Variants in GABRA4 observed in about 807,000 individuals in gnomAD.
GABRA4 encodes the protein gamma-aminobutyric acid receptor subunit alpha-4.
Under a neutral mutation model 49.7 loss-of-function variants are expected in GABRA4, and 12 were observed. The ratio of observed to expected loss-of-function variants is 0.24; its 90% CI spans 0.15 to 0.39. The LOEUF is 0.39. Among genes scored for constraint, GABRA4 ranks in the 10% least tolerant of loss-of-function variants. The pLI is 1.00. For synonymous variants in GABRA4, 288 were observed against 240.2 expected, an observed-to-expected ratio of 1.20 and a Z score of -1.84; for missense variants, 506 against 686.0, an observed-to-expected ratio of 0.74 and a Z score of 2.93.
intron 8 of GABRA4, among the ~76,000 whole-genome samples, chr4:46,955,418 G>A (rs1325399392): frequency 1.3e-5 from 2 of 151,968 alleles, no homozygotes; most frequent in Non-Finnish European, 2.9e-5. Flanking sequence ...CAAAATATTG[G>A]TTCAATAAAC....
chr4:46,957,159 A>G (rs1722394600), intron 8 of GABRA4, among the ~76,000 whole-genome samples: 1 of 151,958 alleles, frequency 6.6e-6, no homozygotes, highest in Non-Finnish European at 1.5e-5. Context: ...CCAGTAGATT[A>G]TATTATTACC....
At chr4:46,989,040 C>T (rs1267444627) in intron 2 of GABRA4, among the ~76,000 whole-genome samples, 1 of 152,124 alleles carries the variant, frequency 6.6e-6, no homozygotes, top group Non-Finnish European at 1.5e-5. Context: ...AGTGAATAAC[C>T]TTACAAAATT....
At chr4:46,960,935 A>G (rs1189701912) in intron 8 of GABRA4, among the ~76,000 whole-genome samples, 1 of 151,838 alleles carries the variant, frequency 6.6e-6, no homozygotes, top group Non-Finnish European at 1.5e-5. Context: ...AGTTTTTGAA[A>G]GTTTCCATGA....
rs1438900324 is a variant in GABRA4, at chr4:46,921,315, A to C, written c.*6910T>G. The C allele has an allele frequency of 2.0e-5, 3 of 151,984 alleles. No individual in the cohort carries two copies. Among genetic ancestry groups the C allele is most frequent in the Non-Finnish European group, 2.9e-5 (2 of 67,900 alleles). 9.4% of individuals were successfully genotyped at this position (151,984 alleles called of 1,614,324 possible). A position where few individuals can be genotyped will look rare whatever the true frequency, so the allele number is the denominator to read the frequency against. On this transcript the variant is annotated 3_prime_UTR_variant, in exon 9 of 9. Transcript: ENST00000264318. The stretch of plus-strand genomic sequence containing the variant: ...AATTGAAGGACAGGAAAATATAAAC[A>C]GTGTAATAAATTAACATTGGGATAG...
chr4:46,985,841 T>C (rs773265848), intron 2 of GABRA4, among the ~76,000 whole-genome samples: 1 of 152,000 alleles, frequency 6.6e-6, no homozygotes, highest in Non-Finnish European at 1.5e-5. Context: ...TTCAAACTTC[T>C]CTTGTTTTCT....
At chr4:46,947,711 C>T (rs1722029186) in intron 8 of GABRA4, among the ~76,000 whole-genome samples, 2 of 151,890 alleles carry the variant, frequency 1.3e-5, no homozygotes, top group South Asian at 4.2e-4. Flanking sequence ...TGACATCATC[C>T]CACTAGCAAG....
intron 2 of GABRA4, among the ~76,000 whole-genome samples, chr4:46,991,230 A>G (rs1723733358): frequency 6.6e-6 from 1 of 152,140 alleles, no homozygotes; most frequent in African/African-American, 2.4e-5. Context: ...AATACCCTCA[A>G]TGACTTCCCA....
chr4:46,934,170 A>C (rs1233687362), intron 8 of GABRA4, among the ~76,000 whole-genome samples: 1 of 152,182 alleles, frequency 6.6e-6, no homozygotes, highest in Non-Finnish European at 1.5e-5. Flanking sequence ...AAAACTAACA[A>C]GACTGATAAC....
Position 46,971,159 on chromosome 4 carries a change from C to G in GABRA4, c.798G>C (p.Pro266=), listed in dbSNP as rs541280213. 6.2e-6 allele frequency: 10 copies of G among 1,608,926 alleles called. No individual in the cohort carries two copies. Among genetic ancestry groups the G allele is most frequent in the Non-Finnish European group, 8.5e-6 (10 of 1,176,414 alleles). Residue 266 remains proline, a synonymous_variant, in exon 7 of 9, where the codon CCG becomes CCC. Transcript: ENST00000264318. ...GAGAAAGAATCACTGTCATAATGCA[C>G]GGAATATAGGTCTGAATCATAAAAT... The part of the protein sequence containing the change: ...MGYFMIQTYI[P]CIMTVILSQV...
At chr4:46,989,937 T>C (rs556365088) in intron 2 of GABRA4, among the ~76,000 whole-genome samples, 2 of 152,352 alleles carry the variant, frequency 1.3e-5, no homozygotes, top group South Asian at 4.1e-4. Context: ...GTGCTAATGA[T>C]GAAGTTTCTC....
Position 46,993,564 on chromosome 4 carries a change from G to C in GABRA4, c.-140C>G. 2.4e-6 allele frequency: 2 copies of C among 826,080 alleles called. No homozygotes were observed. 51.2% of individuals were successfully genotyped at this position (826,080 alleles called of 1,614,324 possible). On this transcript the variant is annotated 5_prime_UTR_variant, in exon 1 of 9. Coordinates refer to ENST00000264318, the MANE Select transcript of GABRA4 (RefSeq NM_000809.4). ...ACACTCGCCCGCGCTCAGCCAGCCC[G>C]AGCCGCGGTGGGCGTGTGTGTGCAC...
At chr4:46,964,156 G>A (rs913770807) in intron 8 of GABRA4, among the ~76,000 whole-genome samples, 4 of 151,802 alleles carry the variant, frequency 2.6e-5, no homozygotes, top group Non-Finnish European at 5.9e-5. Context: ...ACATAATCCA[G>A]GCACAGAAAG....
chr4:46,961,422 G>C (rs888196056), intron 8 of GABRA4, among the ~76,000 whole-genome samples: 2 of 151,724 alleles, frequency 1.3e-5, no homozygotes, highest in African/African-American at 4.8e-5. Flanking sequence ...CACATCACCT[G>C]TTTTGTTATT....
intron 2 of GABRA4, 65 bp downstream of exon 2, chr4:46,992,763 A>G (rs1421676415): frequency 4.4e-6 from 5 of 1,135,694 alleles, no homozygotes; most frequent in Non-Finnish European, 6.7e-6. Context: ...TCCCACAGAC[A>G]GACAGACAGG....
chr4:46,943,082 A>T (rs894893357), intron 8 of GABRA4, among the ~76,000 whole-genome samples: 1 of 152,094 alleles, frequency 6.6e-6, no homozygotes, highest in Non-Finnish European at 1.5e-5. Flanking sequence ...GGCTCTGGTA[A>T]TAGGAGAGTA....
intron 8 of GABRA4, among the ~76,000 whole-genome samples, chr4:46,940,741 C>A (rs909902154): frequency 3.3e-5 from 5 of 151,366 alleles, no homozygotes; most frequent in Non-Finnish European, 5.9e-5. Context: ...CTCTCAACAC[C>A]CCCCAAAAAA....
At chr4:46,978,972 T>C (rs1723252605) in intron 3 of GABRA4, 59 bp downstream of exon 3, 1 of 1,091,918 alleles carries the variant, frequency 9.2e-7, no homozygotes, top group African/African-American at 1.6e-5. Flanking sequence ...TTAATTGCCC[T>C]CTTTTCTACA....
Position 46,920,744 on chromosome 4 carries a change from G to A in GABRA4, c.*7481C>T, listed in dbSNP as rs1560454979. 6.6e-6 allele frequency: 1 copy of A among 151,394 alleles called. No homozygotes were observed. Among genetic ancestry groups the A allele is most frequent in the African/African-American group, 2.4e-5 (1 of 41,248 alleles). The allele number at this position is 151,394 out of a possible 1,614,324, so 9.4% of individuals were successfully genotyped here. ...ATCTTATAGCAACTAGATTTGCATG[G>A]GATAAGTAAAAGTAATGAAAAGTTT... On this transcript the variant is annotated 3_prime_UTR_variant, in exon 9 of 9. Coordinates refer to ENST00000264318, the MANE Select transcript of GABRA4 (RefSeq NM_000809.4).
chr4:46,988,042 C>T (rs190275385), intron 2 of GABRA4, among the ~76,000 whole-genome samples: 1 of 152,240 alleles, frequency 6.6e-6, no homozygotes, highest in Admixed American at 6.5e-5. Context: ...ATCTACATCA[C>T]ACTAACCTAT....
Sources: gnomAD v4.1 joint callset for allele counts (sites outside exome capture counted in the v4.1 genomes callset) on GRCh38, gnomAD v4.1.1 for gene constraint, MANE v1.5 for transcripts, NCBI Gene and HGNC (gene_info 2026-07-23, HGNC 2026-07-21) for gene names.